The following PLXNA4 variants were observed in gnomAD, a reference collection of about 807,000 sequenced individuals.
The protein encoded by PLXNA4 is plexin-A4.
Under a neutral mutation model 191.8 loss-of-function variants are expected in PLXNA4, and 44 were observed. The observed-to-expected ratio is 0.23, with a 90% CI of 0.18 to 0.29. PLXNA4 has a LOEUF of 0.29. Ranked by LOEUF, PLXNA4 falls within the 10% of genes least tolerant of loss-of-function variation. PLXNA4 has a pLI of 1.00. For synonymous variants in PLXNA4, 1,082 were observed against 1,009.5 expected, an observed-to-expected ratio of 1.07 and a Z score of -1.36; for missense variants, 1,800 against 2,488.8, an observed-to-expected ratio of 0.72 and a Z score of 5.89.
intron 3 of PLXNA4, among the ~76,000 whole-genome samples, chr7:132,455,448 C>T (rs1054336566): frequency 6.6e-6 from 1 of 151,818 alleles, no homozygotes; most frequent in African/African-American, 2.4e-5. Flanking sequence ...GACACACACA[C>T]ACACACGCAG....
intron 3 of PLXNA4, among the ~76,000 whole-genome samples, chr7:132,410,702 A>T (rs1338677543): frequency 1.3e-5 from 2 of 151,478 alleles, no homozygotes; most frequent in Non-Finnish European, 2.9e-5. Flanking sequence ...ACATGCAATC[A>T]CTCCCCTCCC....
rs182268260 is a variant in PLXNA4 at position 132,147,934 on chromosome 7, G to A, written c.4830C>T (p.Asn1610=). Residue 1610 remains asparagine (N), a synonymous_variant, in exon 27 of 32, where the codon AAC becomes AAT. Transcript: ENST00000321063. ...TTGCTGAGGTCCTGGAGACGGTGGA[G>A]TTGTTCACTGCGTTATAGGCTGTCA... ...KQVTAYNAVN[N]STVSRTSASK... 1.9e-6 allele frequency: 3 copies of A among 1,614,144 alleles called. No individual in the cohort carries two copies. The highest frequency in any genetic ancestry group is 4.5e-5 in the East Asian group (2 of 44,872).
intron 1 of PLXNA4, among the ~76,000 whole-genome samples, chr7:132,570,029 A>G (rs1801903589): frequency 6.6e-6 from 1 of 152,236 alleles, no homozygotes; most frequent in South Asian, 2.1e-4. Context: ...TTCCAGGTCC[A>G]CTACACAGTT....
intron 3 of PLXNA4, among the ~76,000 whole-genome samples, chr7:132,339,078 A>C (rs1374253121): frequency 6.6e-6 from 1 of 152,178 alleles, no homozygotes; most frequent in East Asian, 1.9e-4. Flanking sequence ...GAGTCTGAGA[A>C]AGAGAAGGTC....
At chr7:132,235,347 G>A (rs192721148) in intron 5 of PLXNA4, among the ~76,000 whole-genome samples, 2 of 152,354 alleles carry the variant, frequency 1.3e-5, no homozygotes, top group East Asian at 3.9e-4. Context: ...CCCAGACTGG[G>A]TCTGTTCTTA....
intron 1 of PLXNA4, among the ~76,000 whole-genome samples, chr7:132,575,010 A>G (rs1046306932): frequency 7.9e-5 from 12 of 152,218 alleles, no homozygotes; most frequent in African/African-American, 2.9e-4. Context: ...AAGCTTATTC[A>G]GTTTTGTGGG....
chr7:132,459,845 A>T (rs1302962524), intron 3 of PLXNA4, among the ~76,000 whole-genome samples: 1 of 152,218 alleles, frequency 6.6e-6, no homozygotes, highest in Non-Finnish European at 1.5e-5. Context: ...CCTCCCTTCC[A>T]GAAGTGTAGA....
At chr7:132,211,168 G>C (rs887481083) in intron 9 of PLXNA4, 25 bp from the exon 10 acceptor site, 1 of 1,547,364 alleles carries the variant, frequency 6.5e-7, no homozygotes, top group Non-Finnish European at 8.7e-7. Context: ...CATGGCTCAG[G>C]CTGGGCAGCC....
intron 2 of PLXNA4, among the ~76,000 whole-genome samples, chr7:132,633,684 T>C (rs1290950422): frequency 2.0e-5 from 3 of 152,140 alleles, no homozygotes; most frequent in African/African-American, 7.2e-5. Context: ...GTCCTGACCA[T>C]TTTATCTCCA....
intron 3 of PLXNA4, among the ~76,000 whole-genome samples, chr7:132,489,039 C>T (rs1435586447): frequency 1.3e-5 from 2 of 152,234 alleles, no homozygotes; most frequent in African/African-American, 4.8e-5. Context: ...CACTGCAAGG[C>T]TGGTCTGACA....
intron 5 of PLXNA4, among the ~76,000 whole-genome samples, chr7:132,238,048 A>G (rs1161462747): frequency 1.3e-5 from 2 of 152,136 alleles, no homozygotes; most frequent in African/African-American, 2.4e-5. Context: ...CGCTTAAAAT[A>G]GTCCCCGAAT....
intron 2 of PLXNA4, among the ~76,000 whole-genome samples, chr7:132,610,139 C>A (rs981550290): frequency 5.9e-5 from 9 of 152,178 alleles, no homozygotes; most frequent in East Asian, 3.8e-4. Context: ...ATTTATGGAA[C>A]ACTTCCAAGA....
intron 1 of PLXNA4, among the ~76,000 whole-genome samples, chr7:132,561,856 T>C (rs1269343570): frequency 2.8e-4 from 26 of 93,092 alleles, no homozygotes; most frequent in East Asian, 8.3e-4. Flanking sequence ...TCCTCCTCCT[T>C]ATCCTCCTCT....
intron 4 of PLXNA4, among the ~76,000 whole-genome samples, chr7:132,255,752 C>A (rs1799409592): frequency 6.6e-6 from 1 of 152,158 alleles, no homozygotes; most frequent in African/African-American, 2.4e-5. Context: ...ACAGCACAGC[C>A]CCAGAACTTT....
intron 3 of PLXNA4, among the ~76,000 whole-genome samples, chr7:132,393,402 G>A (rs758758660): frequency 7.9e-5 from 12 of 152,002 alleles, no homozygotes; most frequent in Non-Finnish European, 1.5e-4. Flanking sequence ...GGCTGTATTG[G>A]CTTTAACCTG....
intron 1 of PLXNA4, among the ~76,000 whole-genome samples, chr7:132,519,919 G>C (rs1799104399): frequency 1.3e-5 from 2 of 152,242 alleles, no homozygotes; most frequent in African/African-American, 4.8e-5. Flanking sequence ...GGATGGGGAA[G>C]AGAGATCACC....
At chr7:132,254,432 C>T (rs1349388332) in intron 4 of PLXNA4, among the ~76,000 whole-genome samples, 1 of 152,172 alleles carries the variant, frequency 6.6e-6, no homozygotes, top group African/African-American at 2.4e-5. Context: ...ATGGAGAGAG[C>T]ACAGGCTTCT....
At chr7:132,411,412 T>C (rs1385711217) in intron 3 of PLXNA4, among the ~76,000 whole-genome samples, 1 of 152,236 alleles carries the variant, frequency 6.6e-6, no homozygotes, top group Non-Finnish European at 1.5e-5. Flanking sequence ...ATGAAGGGTA[T>C]GTTACGGGCT....
chr7:132,379,857 C>T (rs889069656), intron 3 of PLXNA4, among the ~76,000 whole-genome samples: 6 of 152,200 alleles, frequency 3.9e-5, no homozygotes, highest in Non-Finnish European at 5.9e-5. Flanking sequence ...TTGGTGTACA[C>T]ACTGTCTCCA....
Sources: allele counts gnomAD v4.1 joint callset (sites outside exome capture counted in the v4.1 genomes callset), GRCh38; gene constraint gnomAD v4.1.1; transcripts MANE v1.5; gene names NCBI Gene and HGNC (gene_info 2026-07-23, HGNC 2026-07-21).